The following MCPH1 variants were observed in gnomAD, a reference collection of about 807,000 sequenced individuals.
MCPH1 encodes the protein microcephalin.
A neutral mutation model predicts 84.5 loss-of-function variants in MCPH1; 104 were observed. That is an observed-to-expected ratio of 1.23 (90% CI 1.05 to 1.45). The LOEUF (loss-of-function observed/expected upper bound fraction) is 1.45. Ranked by LOEUF, MCPH1 falls within the 40% of genes most tolerant of loss-of-function variation. MCPH1 has a pLI of 0.00. For missense variants in MCPH1, 1,498 were observed against 1,005.7 expected, an observed-to-expected ratio of 1.49 and a Z score of -6.62; for synonymous variants, 514 against 366.8, an observed-to-expected ratio of 1.40 and a Z score of -4.58.
At chr8:6,499,638 G>C (rs559024813) in intron 11 of MCPH1, 284 of 510,318 alleles carry the variant, frequency 5.6e-4, no homozygotes, top group Non-Finnish European at 8.9e-4. Context: ...CAGATTTCTT[G>C]TTATCGTGAG....
chr8:6,439,038 C>T lies in MCPH1; in HGVS notation c.522C>T (p.Ser174=), dbSNP rs768151257. 27 of 1,612,608 alleles carry T rather than the reference C, an allele frequency of 1.7e-5. No individual in the cohort carries two copies. In the East Asian group the frequency reaches 2.5e-4, roughly 15 times the overall value. ...PTIEINSRHH[S]AMEKRLQEMK... Reference sequence around the variant, plus strand: ...TTGAAATTAATAGTAGGCACCACAGCGCAATGGAGAAGAGATTACAAGAGA... The same window carrying T: ...TTGAAATTAATAGTAGGCACCACAGTGCAATGGAGAAGAGATTACAAGAGA... The change falls in exon 6 of 14, where the codon AGC becomes AGT. Residue 174 remains serine, a synonymous_variant. Transcript: ENST00000344683.
intron 2 of MCPH1, among the ~76,000 whole-genome samples, chr8:6,410,360 A>G (rs996925180): frequency 6.6e-6 from 1 of 152,206 alleles, no homozygotes; most frequent in African/African-American, 2.4e-5. Context: ...GTTCAAGAAA[A>G]ATAGGATGGG....
intron 12 of MCPH1, among the ~76,000 whole-genome samples, chr8:6,606,586 A>T (rs770120002): frequency 5.9e-5 from 9 of 152,208 alleles, no homozygotes. Context: ...CCTCCCACAC[A>T]GGGAGCAAGG....
In MCPH1 at chr8:6,584,807, C is replaced by A. The variant is rs150496267; in HGVS notation, c.2215-36647C>A. On this transcript the variant is annotated intron_variant, in intron 12 of 13. Transcript: ENST00000344683. The stretch of plus-strand genomic sequence containing the variant: ...ATTTGGGGAAGTCCTTGCTTGCAAA[C>A]GTAGTTCTTTTGCCAAACAGGTTTG... 1.8e-4 allele frequency among the ~76,000 whole-genome samples: 27 copies of A among 152,310 alleles called. No individual in the cohort carries two copies. The East Asian group carries it at 4.8e-3, about 27-fold the overall frequency.
At chr8:6,506,951 G>A (rs763251482) in intron 12 of MCPH1, among the ~76,000 whole-genome samples, 44 of 151,460 alleles carry the variant, frequency 2.9e-4, no homozygotes, top group Non-Finnish European at 5.3e-4. Context: ...AGGCTGGATT[G>A]TACTGGTGCG....
intron 12 of MCPH1, 147 bp from the exon 13 acceptor site, chr8:6,621,307 C>G (rs1169496024): frequency 7.9e-6 from 8 of 1,012,166 alleles, no homozygotes; most frequent in Non-Finnish European, 1.2e-5. Context: ...TCTCTGGATT[C>G]TCAGAATTCA....
At chr8:6,552,588 G>A (rs1298646366) in intron 12 of MCPH1, among the ~76,000 whole-genome samples, 2 of 152,110 alleles carry the variant, frequency 1.3e-5, no homozygotes, top group African/African-American at 2.4e-5. Context: ...TGTCTTTCTG[G>A]TGTTCCTATT....
intron 12 of MCPH1, among the ~76,000 whole-genome samples, chr8:6,566,829 T>TACAC (rs2129576220): frequency 8.2e-6 from 1 of 121,512 alleles, no homozygotes; most frequent in African/African-American, 3.2e-5. Context: ...CCATGGATAG[T>TACAC]GAGTGCACAC....
intron 12 of MCPH1, among the ~76,000 whole-genome samples, chr8:6,541,057 G>A (rs1229129214): frequency 6.6e-5 from 10 of 152,154 alleles, no homozygotes; most frequent in African/African-American, 2.2e-4. Context: ...TGGGTGTCCC[G>A]AGGCAGCTTG....
intron 4 of MCPH1, among the ~76,000 whole-genome samples, chr8:6,433,475 A>T (rs1375549406): frequency 6.6e-6 from 1 of 151,918 alleles, no homozygotes; most frequent in African/African-American, 2.4e-5. Flanking sequence ...TCTACTAAAA[A>T]TACAAAAATT....
rs143430839 is a variant in MCPH1 at position 6,432,829 on chromosome 8, C to A, written c.321+1243C>A. On this transcript the variant is annotated intron_variant, in intron 4 of 13. Coordinates refer to ENST00000344683, the MANE Select transcript of MCPH1 (RefSeq NM_024596.5). The stretch of plus-strand genomic sequence containing the variant: ...CAAGTGTTCAGCAGTCTCTGGACTC[C>A]CTGTGACATGCTAAAATCAAGTGTT... Among the ~76,000 whole-genome samples the A allele has an allele frequency of 4.7e-3, 714 of 152,324 alleles. 6 individuals are homozygous for A. The highest frequency in any genetic ancestry group is 0.015 in the African/African-American group (622 of 41,570).
chr8:6,635,124 A>G (rs548354968), intron 13 of MCPH1: 1 of 152,302 alleles, frequency 6.6e-6, no homozygotes, highest in Non-Finnish European at 1.5e-5. Flanking sequence ...TGACCTCCAA[A>G]AAATATACCT....
At chr8:6,447,221 CT>C (rs1804533684) in intron 8 of MCPH1, 1 of 985,362 alleles carries the variant, frequency 1.0e-6, no homozygotes, top group Non-Finnish European at 1.2e-6. Flanking sequence ...TGTCAGCCCC[CT>C]GGGACTCAGG....
At chr8:6,483,907 C>G (rs1164061809) in intron 11 of MCPH1, among the ~76,000 whole-genome samples, 1 of 152,022 alleles carries the variant, frequency 6.6e-6, no homozygotes, top group Non-Finnish European at 1.5e-5. Context: ...GGGAGAACCT[C>G]ATTCTATACC....
chr8:6,423,406 C>T (rs932255611), intron 3 of MCPH1, among the ~76,000 whole-genome samples: 1 of 151,872 alleles, frequency 6.6e-6, no homozygotes, highest in Non-Finnish European at 1.5e-5. Flanking sequence ...ATCTTGTGAT[C>T]CGCCCGCCTC....
Position 6,643,157 on chromosome 8 carries a change from G to T in MCPH1, c.*108G>T. ...GAGAAGGAACTGGCGTATACAAGATGACTTCTGATATCATGTTTGCCATGT... is the reference window on the plus strand; with the variant it reads ...GAGAAGGAACTGGCGTATACAAGATTACTTCTGATATCATGTTTGCCATGT... On this transcript the variant is annotated 3_prime_UTR_variant, in exon 14 of 14. Coordinates refer to ENST00000344683, the MANE Select transcript of MCPH1 (RefSeq NM_024596.5). The T allele has an allele frequency of 4.3e-6, 4 of 924,098 alleles. No homozygotes were observed. Among genetic ancestry groups the T allele is most frequent in the Non-Finnish European group, 7.0e-6 (4 of 573,322 alleles). The allele number at this position is 924,098 out of a possible 1,614,324, so 57.2% of individuals were successfully genotyped here.
chr8:6,541,798 G>A (rs1056119534), intron 12 of MCPH1, among the ~76,000 whole-genome samples: 3 of 152,126 alleles, frequency 2.0e-5, no homozygotes, highest in Non-Finnish European at 4.4e-5. Flanking sequence ...GAGGTCAGCA[G>A]TTCAAGACCA....
intron 12 of MCPH1, among the ~76,000 whole-genome samples, chr8:6,564,075 G>A (rs1447086834): frequency 2.0e-5 from 3 of 150,528 alleles, no homozygotes; most frequent in East Asian, 3.9e-4. Context: ...TCCGCCTTCC[G>A]GGTTCAAGTG....
intron 12 of MCPH1, chr8:6,502,450 G>A (rs936605554): frequency 1.3e-5 from 2 of 152,126 alleles, no homozygotes; most frequent in African/African-American, 4.8e-5. Context: ...TTTGAAATAC[G>A]TATTTGAGCA....
Sources: gnomAD v4.1 joint callset for allele counts (sites outside exome capture counted in the v4.1 genomes callset) on GRCh38, gnomAD v4.1.1 for gene constraint, MANE v1.5 for transcripts, NCBI Gene and HGNC (gene_info 2026-07-23, HGNC 2026-07-21) for gene names.